Variants in FSHR observed in about 807,000 individuals in gnomAD.
The protein encoded by FSHR is follicle stimulating hormone receptor.
FSHR carries 46 observed loss-of-function variants against 52.1 expected under a neutral mutation model. That is an observed-to-expected ratio of 0.88 (90% CI 0.70 to 1.13). FSHR has a LOEUF of 1.13. Among genes scored for constraint, FSHR ranks in the 50% most tolerant of loss-of-function variants. The pLI is 0.00. For missense variants in FSHR, 964 were observed against 834.6 expected (o/e 1.16, Z -1.91); for synonymous variants, 399 against 309.6 (o/e 1.29, Z -3.03).
chr2:49,053,488 T>C (rs1668942903), intron 2 of FSHR, among the ~76,000 whole-genome samples: 1 of 152,128 alleles, frequency 6.6e-6, no homozygotes, highest in South Asian at 2.1e-4. Flanking sequence ...TCCGAAGTAA[T>C]TAAAGACAAT....
intron 1 of FSHR, among the ~76,000 whole-genome samples, chr2:49,075,189 G>A (rs11125210): frequency 0.21 from 31,949 of 151,840 alleles, 3,438 homozygotes; most frequent in East Asian, 0.28. Context: ...GGATATTGAC[G>A]TTCCCAACAC....
Position 49,005,721 on chromosome 2 carries a change from A to T in FSHR, c.374+11768T>A, listed in dbSNP as rs558669439. Among the ~76,000 whole-genome samples the T allele has an allele frequency of 3.9e-5, 6 of 152,260 alleles. No homozygotes were observed. The South Asian group carries it at 6.2e-4, about 16-fold the overall frequency. ...GATTCTGTTTTAGAAATGTGTCCCT[A>T]TTGAACCATGCCTTTCTATCCCTCT... On this transcript the variant is annotated intron_variant, in intron 4 of 9. Transcript: ENST00000406846.
At chr2:49,092,707 C>G (rs1173943507) in intron 1 of FSHR, among the ~76,000 whole-genome samples, 1 of 152,172 alleles carries the variant, frequency 6.6e-6, no homozygotes, top group Non-Finnish European at 1.5e-5. Context: ...CCCTCTGTCA[C>G]ACAGGCTGGA....
intron 1 of FSHR, among the ~76,000 whole-genome samples, chr2:49,132,092 T>C (rs1476551491): frequency 2.6e-5 from 4 of 152,334 alleles, no homozygotes; most frequent in African/African-American, 9.6e-5. Context: ...TCCTTGGCTC[T>C]TAAATCCCAG....
intron 1 of FSHR, 43 bp from the exon 2 acceptor site, chr2:49,068,333 A>C (rs1455451690): frequency 6.7e-7 from 1 of 1,503,372 alleles, no homozygotes; most frequent in Non-Finnish European, 9.2e-7. Flanking sequence ...CTATCCATTA[A>C]TAAGTAATTG....
At chr2:49,149,440 G>A (rs1672982876) in intron 1 of FSHR, among the ~76,000 whole-genome samples, 1 of 152,058 alleles carries the variant, frequency 6.6e-6, no homozygotes, top group African/African-American at 2.4e-5. Flanking sequence ...GGCCTGGGTT[G>A]TGGTTCAGAC....
chr2:48,999,273 C>T lies in FSHR; in HGVS notation c.375-8636G>A, dbSNP rs1227546653. ...TATCGATTATTTAATGTATTCCTCT[C>T]CACTACCTTGGAGACAGGTACCCTT... On this transcript the variant is annotated intron_variant, in intron 4 of 9. Coordinates refer to ENST00000406846, the MANE Select transcript of FSHR (RefSeq NM_000145.4). Among the ~76,000 whole-genome samples, 21 of 62,872 alleles carry T rather than the reference C, an allele frequency of 3.3e-4. No homozygotes were observed. In the South Asian group the frequency reaches 5.9e-3, roughly 18 times the overall value. The allele number at this position is 62,872 out of a possible 152,430, so 41.2% of individuals were successfully genotyped here.
In FSHR at chr2:48,963,249, G is replaced by T. The variant is rs6167; in HGVS notation, c.1572C>A (p.Ser524Arg). 4 of 1,614,168 alleles carry T rather than the reference G, an allele frequency of 2.5e-6. No homozygotes were observed. The highest frequency in any genetic ancestry group is 3.4e-6 in the Non-Finnish European group (4 of 1,180,032). ...VSICLPMDIDSPLSQLYVMSL... is the reference protein window; with the variant it reads ...VSICLPMDIDRPLSQLYVMSL... ...ACATGACATACAGCTGTGACAAAGG[G>T]CTGTCAATATCCATGGGCAGGCAGA... The change falls in exon 10 of 10, where the codon AGC (serine) becomes AGA (arginine). Residue 524 changes from serine (S) to arginine (R), a missense_variant. Coordinates refer to ENST00000406846, the MANE Select transcript of FSHR (RefSeq NM_000145.4).
intron 6 of FSHR, among the ~76,000 whole-genome samples, chr2:48,985,007 G>T (rs952292341): frequency 6.6e-6 from 1 of 152,080 alleles, no homozygotes; most frequent in Non-Finnish European, 1.5e-5. Flanking sequence ...TTGGATTTAC[G>T]TTATCTGTGG....
At chr2:49,035,100 G>A (rs2104266084) in intron 2 of FSHR, among the ~76,000 whole-genome samples, 1 of 152,246 alleles carries the variant, frequency 6.6e-6, no homozygotes, top group Non-Finnish European at 1.5e-5. Flanking sequence ...CATCAAGCCT[G>A]GTCTTTATAG....
intron 8 of FSHR, among the ~76,000 whole-genome samples, chr2:48,976,564 C>T (rs1383723866): frequency 6.6e-6 from 1 of 152,158 alleles, no homozygotes; most frequent in Non-Finnish European, 1.5e-5. Flanking sequence ...ATGGTACCAG[C>T]TCCTTTTTGT....
chr2:49,012,947 A>G (rs975912622), intron 4 of FSHR, among the ~76,000 whole-genome samples: 1 of 152,152 alleles, frequency 6.6e-6, no homozygotes, highest in Non-Finnish European at 1.5e-5. Context: ...ATTTGGAAAT[A>G]GAACTTCTGG....
intron 5 of FSHR, among the ~76,000 whole-genome samples, chr2:48,990,194 G>C (rs1220902957): frequency 1.3e-5 from 2 of 151,984 alleles, no homozygotes; most frequent in African/African-American, 4.8e-5. Flanking sequence ...TAGTTTCTTT[G>C]TGCCCAGGGC....
At chr2:49,101,714 A>G (rs1572746114) in intron 1 of FSHR, among the ~76,000 whole-genome samples, 1 of 152,298 alleles carries the variant, frequency 6.6e-6, no homozygotes, top group South Asian at 2.1e-4. Context: ...TATAGGTTTC[A>G]GGAATCTGAA....
intron 1 of FSHR, among the ~76,000 whole-genome samples, chr2:49,097,537 G>T (rs1402697687): frequency 6.6e-6 from 1 of 152,194 alleles, no homozygotes; most frequent in Non-Finnish European, 1.5e-5. Context: ...TACTGTGCTA[G>T]AGAGCTAAGA....
At chr2:49,029,525 A>C (rs528069102) in intron 2 of FSHR, among the ~76,000 whole-genome samples, 2 of 152,336 alleles carry the variant, frequency 1.3e-5, no homozygotes, top group South Asian at 4.1e-4. Context: ...TTGGCAAATC[A>C]CTGGAGCTTT....
intron 2 of FSHR, among the ~76,000 whole-genome samples, chr2:49,051,907 A>G (rs11902601): frequency 1.3e-5 from 2 of 152,188 alleles, no homozygotes; most frequent in African/African-American, 4.8e-5. Flanking sequence ...TTTTTCCAAT[A>G]TGGATACAAA....
At chr2:49,133,901 C>T (rs1558460416) in intron 1 of FSHR, among the ~76,000 whole-genome samples, 1 of 152,120 alleles carries the variant, frequency 6.6e-6, no homozygotes, top group Non-Finnish European at 1.5e-5. Context: ...TTCCTTACAC[C>T]TTATACAAAA....
At chr2:49,080,806 C>T (rs1290057730) in intron 1 of FSHR, among the ~76,000 whole-genome samples, 1 of 152,144 alleles carries the variant, frequency 6.6e-6, no homozygotes, top group Admixed American at 6.6e-5. Flanking sequence ...ATGCACCTTT[C>T]ATATGCAAAC....
Sources: gnomAD v4.1 joint callset for allele counts (sites outside exome capture counted in the v4.1 genomes callset) on GRCh38, gnomAD v4.1.1 for gene constraint, MANE v1.5 for transcripts, NCBI Gene and HGNC (gene_info 2026-07-23, HGNC 2026-07-21) for gene names.